The following CEP85L variants were observed in gnomAD, a reference collection of about 807,000 sequenced individuals.
The protein encoded by CEP85L is centrosomal protein of 85 kDa-like.
CEP85L carries 60 observed loss-of-function variants against 100.3 expected under a neutral mutation model. The ratio of observed to expected loss-of-function variants is 0.60; its 90% CI spans 0.49 to 0.74. The LOEUF (loss-of-function observed/expected upper bound fraction) is 0.74. Ranked by LOEUF, CEP85L falls within the 30% of genes least tolerant of loss-of-function variation. The pLI is 0.00. For synonymous variants in CEP85L, 319 were observed against 322.7 expected (o/e 0.99, Z 0.12); for missense variants, 973 against 936.2 (o/e 1.04, Z -0.51).
chr6:118,654,674 C>T (rs1775714326), upstream of CEP85L, among the ~76,000 whole-genome samples: 1 of 152,042 alleles, frequency 6.6e-6, no homozygotes, highest in Non-Finnish European at 1.5e-5. Flanking sequence ...TAATTGGATC[C>T]CTGGCAGGTA....
At chr6:118,598,882 G>C (rs1781585021) in intron 2 of CEP85L, among the ~76,000 whole-genome samples, 1 of 152,118 alleles carries the variant, frequency 6.6e-6, no homozygotes, top group Admixed American at 6.5e-5. Context: ...GATGGTAGAT[G>C]GTGGGAGGCT....
chr6:118,531,434 T>C (rs902601559), intron 3 of CEP85L, among the ~76,000 whole-genome samples: 4 of 152,144 alleles, frequency 2.6e-5, no homozygotes, highest in Non-Finnish European at 5.9e-5. Flanking sequence ...GGAAATACCA[T>C]TGTGGACACA....
At chr6:118,690,285 A>G (rs1215685353) in intron 1 of CEP85L, among the ~76,000 whole-genome samples, 3 of 152,146 alleles carry the variant, frequency 2.0e-5, no homozygotes, top group African/African-American at 4.8e-5. Context: ...CAAATTTGTC[A>G]TGTCTAACTA....
At chr6:118,534,169 A>G (rs9489430) in intron 3 of CEP85L, among the ~76,000 whole-genome samples, 4,407 of 152,290 alleles carry the variant, frequency 0.029, 107 homozygotes, top group African/African-American at 0.056. Context: ...ACTAGAACCA[A>G]TAAGTGACTT....
intron 3 of CEP85L, among the ~76,000 whole-genome samples, chr6:118,564,694 G>A (rs2114992538): frequency 6.6e-6 from 1 of 152,154 alleles, no homozygotes; most frequent in South Asian, 2.1e-4. Context: ...TAGTAGTAAT[G>A]AATACCAATT....
chr6:118,651,934 C>T, upstream of CEP85L: 1 of 985,438 alleles, frequency 1.0e-6, no homozygotes, highest in Non-Finnish European at 1.2e-6. Context: ...CTGCCCCTGG[C>T]GTCACAACCG....
chr6:118,503,465 G>A (rs749775819), intron 5 of CEP85L, among the ~76,000 whole-genome samples: 1 of 152,070 alleles, frequency 6.6e-6, no homozygotes, highest in Non-Finnish European at 1.5e-5. Flanking sequence ...AGAGGCAAAA[G>A]ACCCAGAATA....
chr6:118,559,649 A>G (rs191057969), intron 3 of CEP85L: 1 of 169,140 alleles, frequency 5.9e-6, no homozygotes, highest in Non-Finnish European at 1.4e-5. Flanking sequence ...CAGAAATTGT[A>G]TTTTTTCTAT....
chr6:118,540,665 G>A (rs577374386), intron 3 of CEP85L, among the ~76,000 whole-genome samples: 10 of 152,112 alleles, frequency 6.6e-5, no homozygotes, highest in African/African-American at 2.4e-4. Flanking sequence ...GCTGAGGCAG[G>A]AGAATCGCTT....
chr6:118,707,423 G>A (rs564834325), intron 1 of CEP85L, among the ~76,000 whole-genome samples: 13 of 151,996 alleles, frequency 8.6e-5, no homozygotes, highest in African/African-American at 2.4e-4. Flanking sequence ...GAAACTCCTG[G>A]GCTCAAGCAA....
intron 2 of CEP85L, among the ~76,000 whole-genome samples, chr6:118,606,828 T>C (rs192391326): frequency 1.5e-4 from 23 of 152,278 alleles, no homozygotes; most frequent in South Asian, 6.2e-4. Flanking sequence ...AGCTTAAGAC[T>C]AGCCTTAGAA....
chr6:118,627,000 GAAC>G (rs1181917642), intron 2 of CEP85L, among the ~76,000 whole-genome samples: 3 of 151,994 alleles, frequency 2.0e-5, no homozygotes, highest in Non-Finnish European at 2.9e-5. Flanking sequence ...AGGAGTTCAA[GAAC>G]AACCTGGCCA....
intron 1 of CEP85L, among the ~76,000 whole-genome samples, chr6:118,650,767 C>A (rs2115384476): frequency 6.6e-6 from 1 of 152,320 alleles, no homozygotes; most frequent in East Asian, 1.9e-4. Context: ...GAACTGCGGC[C>A]CCTCCGAGAC....
intron 2 of CEP85L, among the ~76,000 whole-genome samples, chr6:118,582,052 G>T (rs375716638): frequency 1.2e-4 from 19 of 152,246 alleles, no homozygotes; most frequent in African/African-American, 4.6e-4. Context: ...CGGCCACAGG[G>T]AATCGTTCCC....
intron 2 of CEP85L, among the ~76,000 whole-genome samples, chr6:118,621,449 C>T (rs530647540): frequency 5.5e-4 from 84 of 152,282 alleles, no homozygotes; most frequent in African/African-American, 1.8e-3. Context: ...TCCCGACTTT[C>T]GTGGATGGTC....
intron 3 of CEP85L, among the ~76,000 whole-genome samples, chr6:118,552,877 C>T (rs543513616): frequency 7.9e-5 from 12 of 152,134 alleles, no homozygotes; most frequent in African/African-American, 2.9e-4. Context: ...CATTTCTACA[C>T]CCAAACTCCT....
At chr6:118,533,861 G>A (rs372971526) in intron 3 of CEP85L, among the ~76,000 whole-genome samples, 9 of 152,242 alleles carry the variant, frequency 5.9e-5, no homozygotes, top group South Asian at 4.1e-4. Context: ...TTTGGAGGCC[G>A]AGGCAGGTGG....
chr6:118,604,819 T>C (rs1177982569), intron 2 of CEP85L, among the ~76,000 whole-genome samples: 1 of 152,244 alleles, frequency 6.6e-6, no homozygotes, highest in Non-Finnish European at 1.5e-5. Flanking sequence ...TATCTGACCT[T>C]AATTTAGACC....
rs112758932 is a variant in CEP85L at position 118,514,802 on chromosome 6, A to AT, written c.1140-3388dup. The stretch of plus-strand genomic sequence containing the variant: ...ACTATATTAATATTAGTAGAAGCAG[A>AT]TTTTTTTTTTTTCTATTTTAGAGAC... On this transcript the variant is annotated intron_variant, in intron 4 of 12. Transcript: ENST00000368491. Among the ~76,000 whole-genome samples, 1,198 of 147,080 alleles carry AT rather than the reference A, an allele frequency of 8.1e-3. 13 individuals carry two copies. Among genetic ancestry groups the AT allele is most frequent in the African/African-American group, 0.026 (1,056 of 40,422 alleles).
Sources: gnomAD v4.1 joint callset for allele counts (sites outside exome capture counted in the v4.1 genomes callset) on GRCh38, gnomAD v4.1.1 for gene constraint, MANE v1.5 for transcripts, NCBI Gene and HGNC (gene_info 2026-07-23, HGNC 2026-07-21) for gene names.